The following P2RY14 variants were observed in gnomAD, a reference collection of about 807,000 sequenced individuals.
P2RY14 encodes purinergic receptor P2Y14.
In P2RY14, 2 loss-of-function variants were observed where a neutral mutation model predicts 0.9. The observed-to-expected ratio is 2.16, with a 90% CI of 0.88 to 6.79. P2RY14 has a LOEUF of 6.79. P2RY14 is among the 30% of genes most tolerant of loss of function. The pLI is 0.05. For missense variants in P2RY14, 378 were observed against 400.1 expected (o/e 0.94, Z 0.47); for synonymous variants, 158 against 147.2 (o/e 1.07, Z -0.53).
chr3:151,254,091 A>G (rs1048783378), intron 1 of P2RY14, among the ~76,000 whole-genome samples: 1 of 151,898 alleles, frequency 6.6e-6, no homozygotes, highest in Non-Finnish European at 1.5e-5. Context: ...ATATAATGAA[A>G]AAAATAGAAG....
At chr3:151,257,944 T>A (rs920920788) in intron 1 of P2RY14, among the ~76,000 whole-genome samples, 3 of 152,230 alleles carry the variant, frequency 2.0e-5, no homozygotes, top group Non-Finnish European at 4.4e-5. Context: ...CCTCTCTAGC[T>A]TCTTTTAGGC....
At chr3:151,231,238 C>T (rs940768259) in intron 1 of P2RY14, among the ~76,000 whole-genome samples, 3 of 152,210 alleles carry the variant, frequency 2.0e-5, no homozygotes, top group Non-Finnish European at 4.4e-5. Flanking sequence ...TTTAGGACAT[C>T]ACCATTTTGC....
At position 151,278,397 on chromosome 3, in the gene P2RY14, G is replaced by A. The variant is rs751798166; in HGVS notation, c.-243C>T. 2 of 152,092 alleles carry A rather than the reference G, an allele frequency of 1.3e-5. No homozygotes were observed. The highest frequency in any genetic ancestry group is 2.9e-5 in the Non-Finnish European group (2 of 68,022). The allele number at this position is 152,092 out of a possible 1,614,324, so 9.4% of individuals were successfully genotyped here. The stretch of plus-strand genomic sequence containing the variant: ...AGAGTTCTTGCTCATCTTCAACTAC[G>A]GATGAAAATCAGGAACTTGACAGAA... On this transcript the variant is annotated 5_prime_UTR_variant, in exon 1 of 3. Transcript: ENST00000309170.
intron 1 of P2RY14, chr3:151,269,920 TGTTGA>T (rs1325326197): frequency 4.4e-6 from 2 of 449,840 alleles, no homozygotes; most frequent in African/African-American, 4.1e-5. Flanking sequence ...ATGCAGGTGT[TGTTGA>T]GTTGGGAGAG....
chr3:151,254,287 C>T (rs1737402362), intron 1 of P2RY14, among the ~76,000 whole-genome samples: 1 of 152,070 alleles, frequency 6.6e-6, no homozygotes, highest in Non-Finnish European at 1.5e-5. Context: ...TAATTATGTC[C>T]ACAATTTTTG....
intron 1 of P2RY14, among the ~76,000 whole-genome samples, chr3:151,237,816 A>AT (rs1733232515): frequency 1.3e-5 from 2 of 152,204 alleles, no homozygotes; most frequent in African/African-American, 4.8e-5. Context: ...GTGATCTCAA[A>AT]TGATATGGGC....
At chr3:151,227,833 C>T (rs1018159226) in intron 1 of P2RY14, among the ~76,000 whole-genome samples, 22 of 151,976 alleles carry the variant, frequency 1.4e-4, no homozygotes, top group African/African-American at 5.1e-4. Flanking sequence ...CTGTTTTTTT[C>T]GGTTTCAGTT....
At chr3:151,259,750 C>T (rs1738512136) in intron 1 of P2RY14, among the ~76,000 whole-genome samples, 2 of 152,216 alleles carry the variant, frequency 1.3e-5, no homozygotes, top group African/African-American at 4.8e-5. Flanking sequence ...AATTCTTCCA[C>T]TTAAACGAGC....
rs202190979 is a variant in P2RY14, at chr3:151,213,416, G to A, written c.901C>T (p.Pro301Ser). 5.0e-6 allele frequency: 8 copies of A among 1,614,032 alleles called. No individual in the cohort carries two copies. In the East Asian group the frequency reaches 1.6e-4, roughly 31 times the overall value. Residue 301 changes from proline (P) to serine (S), a missense_variant, in exon 3 of 3, where the codon CCG becomes TCG. Physicochemically the swap from Pro to Ser is moderately conservative, Grantham distance 74. Coordinates refer to ENST00000309170, the MANE Select transcript of P2RY14 (RefSeq NM_014879.4). ...DPIIYFFLCQ[P>S]FREILCKKLH... ...TTCTTACATAAGATTTCCCTAAACGGCTGGCATAGAAAGAAATAAATAATA... is the reference window on the plus strand; with the variant it reads ...TTCTTACATAAGATTTCCCTAAACGACTGGCATAGAAAGAAATAAATAATA...
intron 1 of P2RY14, among the ~76,000 whole-genome samples, chr3:151,274,174 A>T (rs910335515): frequency 6.6e-6 from 1 of 152,236 alleles, no homozygotes; most frequent in African/African-American, 2.4e-5. Flanking sequence ...TAAGCAATTA[A>T]TGTGCACTTT....
At chr3:151,244,103 C>T (rs1215125557) in intron 1 of P2RY14, among the ~76,000 whole-genome samples, 2 of 117,240 alleles carry the variant, frequency 1.7e-5, no homozygotes, top group Non-Finnish European at 3.9e-5. Flanking sequence ...ACAGGAGCAC[C>T]AAGATTCATA....
At chr3:151,245,874 T>G (rs2149412608) in intron 1 of P2RY14, among the ~76,000 whole-genome samples, 1 of 151,748 alleles carries the variant, frequency 6.6e-6, no homozygotes, top group East Asian at 1.9e-4. Context: ...GAAAACCCCA[T>G]CGTTTCAGCC....
chr3:151,278,312 A>AGTCATGCTT lies in P2RY14; in HGVS notation c.-167_-159dup, dbSNP rs1385388516. 1 of 152,232 alleles carries AGTCATGCTT rather than the reference A, an allele frequency of 6.6e-6. No individual in the cohort carries two copies. The highest frequency in any genetic ancestry group is 1.5e-5 in the Non-Finnish European group (1 of 68,056). 9.4% of individuals were successfully genotyped at this position (152,232 alleles called of 1,614,324 possible). A position where few individuals can be genotyped will look rare whatever the true frequency, so the allele number is the denominator to read the frequency against. On this transcript the variant is annotated 5_prime_UTR_variant, in exon 1 of 3. The change creates a new upstream start codon in the 5' untranslated region. Coordinates refer to ENST00000309170, the MANE Select transcript of P2RY14 (RefSeq NM_014879.4). ...CTGCGTCTAGGCCTTCATCTGTGAG[A>AGTCATGCTT]GTCATGCTTCACTCATTTTGAAATA...
At chr3:151,218,518 C>CT (rs1353969120) in intron 2 of P2RY14, among the ~76,000 whole-genome samples, 1 of 152,028 alleles carries the variant, frequency 6.6e-6, no homozygotes, top group African/African-American at 2.4e-5. Context: ...ACAATGCTTC[C>CT]TAAATTCTAG....
chr3:151,260,147 T>C (rs1330728006), intron 1 of P2RY14, among the ~76,000 whole-genome samples: 2 of 152,140 alleles, frequency 1.3e-5, no homozygotes, highest in African/African-American at 4.8e-5. Context: ...GTTTCAGTTG[T>C]GGAAAGAATG....
intron 1 of P2RY14, among the ~76,000 whole-genome samples, chr3:151,253,143 A>G (rs1331155943): frequency 1.3e-5 from 2 of 152,174 alleles, no homozygotes; most frequent in Non-Finnish European, 1.5e-5. Context: ...GGACTTCTGG[A>G]GATCTGGGGT....
intron 2 of P2RY14, among the ~76,000 whole-genome samples, chr3:151,214,974 C>T (rs1053825577): frequency 1.3e-5 from 2 of 152,044 alleles, no homozygotes; most frequent in Non-Finnish European, 2.9e-5. Flanking sequence ...ATATTAAGAG[C>T]TATTCAGACG....
chr3:151,221,812 C>A (rs1350871523), intron 1 of P2RY14, among the ~76,000 whole-genome samples: 3 of 152,348 alleles, frequency 2.0e-5, no homozygotes, highest in Middle Eastern at 3.4e-3. Context: ...TTGGAGCCCC[C>A]ACACAGAGTG....
chr3:151,256,849 GT>G (rs527914597), intron 1 of P2RY14, among the ~76,000 whole-genome samples: 6 of 138,812 alleles, frequency 4.3e-5, no homozygotes, highest in East Asian at 4.2e-4. Context: ...AATGACAGAG[GT>G]TTTTTTTTTG....
Sources: allele counts gnomAD v4.1 joint callset (sites outside exome capture counted in the v4.1 genomes callset), GRCh38; gene constraint gnomAD v4.1.1; transcripts MANE v1.5; gene names NCBI Gene and HGNC (gene_info 2026-07-23, HGNC 2026-07-21).